Variants in CFAP69 observed in about 807,000 individuals in gnomAD.
The protein encoded by CFAP69 is cilia and flagella associated protein 69, also known as cilia- and flagella-associated protein 69.
Under a neutral mutation model 123.0 loss-of-function variants are expected in CFAP69, and 92 were observed. The ratio of observed to expected loss-of-function variants is 0.75; its 90% CI spans 0.63 to 0.89. The LOEUF (loss-of-function observed/expected upper bound fraction) is 0.89, where lower values mean the gene tolerates loss of function less well. Ranked by LOEUF, CFAP69 falls within the 40% of genes least tolerant of loss-of-function variation. The pLI, the probability that CFAP69 is intolerant of heterozygous loss-of-function variation, is 0.00. For synonymous variants in CFAP69, 380 were observed against 364.3 expected (o/e 1.04, Z -0.49); for missense variants, 1,067 against 1,096.9 (o/e 0.97, Z 0.39).
downstream of CFAP69, among the ~76,000 whole-genome samples, chr7:90,314,978 C>A (rs1362490844): frequency 6.6e-6 from 1 of 151,906 alleles, no homozygotes; most frequent in East Asian, 1.9e-4. Context: ...AGATGTCATA[C>A]ATGGAGCCAA....
In CFAP69 at chr7:90,277,262, T is replaced by C. The variant is rs1788755416; in HGVS notation, c.1083T>C (p.Tyr361=). 1 of 1,591,944 alleles carries C rather than the reference T, an allele frequency of 6.3e-7. No homozygotes were observed. The highest frequency in any genetic ancestry group is 8.5e-7 in the Non-Finnish European group (1 of 1,171,402). The change falls in exon 11 of 23, where the codon TAT becomes TAC. Residue 361 remains tyrosine (Y), a synonymous_variant. Transcript: ENST00000389297. Reference sequence around the variant, plus strand: ...AAGGACTTAAGCTTTCTAATTCCTATGAAGATTTTGAGTTGAAGAAATTAC... The same window carrying C: ...AAGGACTTAAGCTTTCTAATTCCTACGAAGATTTTGAGTTGAAGAAATTAC... ...LVKGLKLSNS[Y]EDFELKKLLF...
chr7:90,277,361 C>T (rs1358776878), intron 11 of CFAP69, 27 bp downstream of exon 11: 1 of 1,435,026 alleles, frequency 7.0e-7, no homozygotes, highest in African/African-American at 1.5e-5. Flanking sequence ...GCAGGAAAAT[C>T]AATAAAAATT....
At chr7:90,281,245 TTC>T (rs1789439705) in intron 12 of CFAP69, among the ~76,000 whole-genome samples, 2 of 152,100 alleles carry the variant, frequency 1.3e-5, no homozygotes, top group Admixed American at 1.3e-4. Context: ...TTAACCCAGG[TTC>T]TATAATAGAA....
intron 9 of CFAP69, among the ~76,000 whole-genome samples, chr7:90,274,621 T>A (rs993638864): frequency 6.6e-6 from 1 of 152,198 alleles, no homozygotes; most frequent in Non-Finnish European, 1.5e-5. Flanking sequence ...ATGAGAAATA[T>A]TCATTGTGAG....
chr7:90,289,263 A>G (rs1790754073), intron 15 of CFAP69, among the ~76,000 whole-genome samples: 1 of 152,076 alleles, frequency 6.6e-6, no homozygotes, highest in Admixed American at 6.5e-5. Flanking sequence ...TACATCAATT[A>G]CACCTTTCCC....
intron 6 of CFAP69, among the ~76,000 whole-genome samples, chr7:90,269,417 A>G (rs1467739727): frequency 6.6e-6 from 1 of 152,174 alleles, no homozygotes; most frequent in Non-Finnish European, 1.5e-5. Context: ...TTTGGAAAAA[A>G]TGATTCAAAG....
At chr7:90,246,216 T>C (rs1796299890) in intron 1 of CFAP69, among the ~76,000 whole-genome samples, 1 of 152,208 alleles carries the variant, frequency 6.6e-6, no homozygotes, top group South Asian at 2.1e-4. Flanking sequence ...TGTTGAGAAA[T>C]TCCATTTGAG....
chr7:90,253,614 A>G (rs934736610), intron 1 of CFAP69, among the ~76,000 whole-genome samples: 1 of 151,916 alleles, frequency 6.6e-6, no homozygotes, highest in Non-Finnish European at 1.5e-5. Context: ...CTGGTCTCGA[A>G]CTCCTAACCT....
intron 13 of CFAP69, among the ~76,000 whole-genome samples, chr7:90,283,272 A>G (rs540732564): frequency 6.6e-6 from 1 of 152,264 alleles, no homozygotes; most frequent in South Asian, 2.1e-4. Flanking sequence ...TTCAACTCAA[A>G]TATCATTTCA....
intron 1 of CFAP69, among the ~76,000 whole-genome samples, chr7:90,246,472 G>A (rs1239033558): frequency 6.6e-6 from 1 of 152,226 alleles, no homozygotes; most frequent in Non-Finnish European, 1.5e-5. Flanking sequence ...GCCTTGGAGA[G>A]TTCCTTGGGA....
intron 15 of CFAP69, among the ~76,000 whole-genome samples, chr7:90,292,195 A>C (rs1010785289): frequency 6.6e-6 from 1 of 152,202 alleles, no homozygotes; most frequent in Admixed American, 6.5e-5. Context: ...ACTCTGTTCC[A>C]TAAGGAATCT....
Position 90,286,274 on chromosome 7 carries a change from A to ATACC in CFAP69, c.1538-6_1538-3dup. 1 of 1,586,782 alleles carries ATACC rather than the reference A, an allele frequency of 6.3e-7. No individual in the cohort carries two copies. The highest frequency in any genetic ancestry group is 1.1e-5 in the South Asian group (1 of 88,542). On this transcript the variant is annotated splice_region_variant and splice_polypyrimidine_tract_variant and intron_variant, in intron 13 of 22. Coordinates refer to ENST00000389297, the MANE Select transcript of CFAP69 (RefSeq NM_001039706.3). ...AACTATACAGTCTTTAAATGTTTTC[A>ATACC]TACCAGGAATCTTTAAAAATATAAT...
At chr7:90,318,374 AC>A in the CFAP69 span, 16 of 152,146 alleles carry the variant, frequency 1.1e-4, 1 homozygote, top group Non-Finnish European at 1.9e-4. Context: ...CTTTTTCAAA[AC>A]AAAGACAATA....
chr7:90,263,748 G>A (rs1798654933), intron 4 of CFAP69, among the ~76,000 whole-genome samples: 1 of 149,964 alleles, frequency 6.7e-6, no homozygotes, highest in Admixed American at 6.6e-5. Flanking sequence ...ACATCCTCAT[G>A]TGATAGTTCT....
downstream of CFAP69, among the ~76,000 whole-genome samples, chr7:90,315,497 C>G (rs182049220): frequency 7.0e-4 from 106 of 152,270 alleles, no homozygotes; most frequent in African/African-American, 2.4e-3. Flanking sequence ...CAAACCAACA[C>G]AGGAACAGAA....
At chr7:90,317,425 C>T in the CFAP69 span, 9 of 152,042 alleles carry the variant, frequency 5.9e-5, no homozygotes, top group South Asian at 2.1e-4. Context: ...GCCCTACCCT[C>T]CAACCAGTTG....
At chr7:90,257,926 G>C (rs951561990) in intron 2 of CFAP69, among the ~76,000 whole-genome samples, 172 bp from the exon 3 acceptor site, 8 of 152,062 alleles carry the variant, frequency 5.3e-5, no homozygotes, top group African/African-American at 1.9e-4. Context: ...CGTTCTGATA[G>C]TTTATTTTTA....
chr7:90,291,982 T>C (rs1791268650), intron 15 of CFAP69, among the ~76,000 whole-genome samples: 1 of 152,194 alleles, frequency 6.6e-6, no homozygotes, highest in Admixed American at 6.6e-5. Context: ...AGAAACAAAC[T>C]TGAAAACAGC....
intron 1 of CFAP69, among the ~76,000 whole-genome samples, chr7:90,248,632 T>A (rs746902879): frequency 1.3e-5 from 2 of 152,226 alleles, no homozygotes; most frequent in Non-Finnish European, 2.9e-5. Context: ...ATTGTTATTT[T>A]CATTCCATGT....
Sources: allele counts gnomAD v4.1 joint callset (sites outside exome capture counted in the v4.1 genomes callset), GRCh38; gene constraint gnomAD v4.1.1; transcripts MANE v1.5; gene names NCBI Gene and HGNC (gene_info 2026-07-23, HGNC 2026-07-21).